The following PTPRM variants were observed in gnomAD, a reference collection of about 807,000 sequenced individuals.
PTPRM encodes the protein receptor-type tyrosine-protein phosphatase mu.
A neutral mutation model predicts 186.7 loss-of-function variants in PTPRM; 47 were observed. The observed-to-expected ratio is 0.25, with a 90% CI of 0.20 to 0.32. PTPRM has a LOEUF of 0.32. PTPRM is among the 10% of genes least tolerant of loss of function. The pLI is 1.00. For synonymous variants in PTPRM, 668 were observed against 674.9 expected (o/e 0.99, Z 0.16); for missense variants, 1,494 against 1,865.0 (o/e 0.80, Z 3.66).
At chr18:8,013,655 G>C (rs1461791414) in intron 7 of PTPRM, among the ~76,000 whole-genome samples, 1 of 152,044 alleles carries the variant, frequency 6.6e-6, no homozygotes, top group African/African-American at 2.4e-5. Flanking sequence ...GTTGTTCAAG[G>C]GTCAGCTGCA....
At chr18:7,764,011 C>T (rs2144791314) in intron 1 of PTPRM, among the ~76,000 whole-genome samples, 1 of 151,582 alleles carries the variant, frequency 6.6e-6, no homozygotes, top group South Asian at 2.1e-4. Context: ...TTGTTTTCTA[C>T]CTAAGATATC....
At chr18:8,207,021 G>A (rs2093940694) in intron 14 of PTPRM, among the ~76,000 whole-genome samples, 1 of 152,148 alleles carries the variant, frequency 6.6e-6, no homozygotes, top group Admixed American at 6.5e-5. Context: ...GTTTCAGAGG[G>A]GGCATGGCTC....
At chr18:8,283,333 A>G (rs1006884072) in intron 19 of PTPRM, among the ~76,000 whole-genome samples, 6 of 152,208 alleles carry the variant, frequency 3.9e-5, no homozygotes, top group Admixed American at 6.5e-5. Context: ...TTTAAAATCT[A>G]TTTATTAGTA....
At chr18:8,000,125 T>C (rs2083779648) in intron 7 of PTPRM, among the ~76,000 whole-genome samples, 1 of 152,212 alleles carries the variant, frequency 6.6e-6, no homozygotes, top group Admixed American at 6.5e-5. Flanking sequence ...GCAATCTGCT[T>C]TGCTCAGTAA....
At chr18:8,262,108 G>A (rs960396618) in intron 19 of PTPRM, among the ~76,000 whole-genome samples, 7 of 151,832 alleles carry the variant, frequency 4.6e-5, no homozygotes, top group African/African-American at 1.2e-4. Context: ...TGCCCCTGCC[G>A]CTCCCTCATT....
chr18:8,206,983 A>G (rs1028051759), intron 14 of PTPRM, among the ~76,000 whole-genome samples: 3 of 152,184 alleles, frequency 2.0e-5, no homozygotes, highest in Non-Finnish European at 4.4e-5. Context: ...AGAAGCTGAA[A>G]GAACAAGGAA....
chr18:7,738,869 T>C (rs1328228210), intron 1 of PTPRM, among the ~76,000 whole-genome samples: 2 of 152,156 alleles, frequency 1.3e-5, no homozygotes, highest in Non-Finnish European at 2.9e-5. Flanking sequence ...TCTCATCGAT[T>C]TGCTGAGCAT....
intron 5 of PTPRM, 152 bp downstream of exon 5, chr18:7,926,835 G>T: frequency 2.1e-6 from 1 of 470,340 alleles, no homozygotes; most frequent in East Asian, 3.5e-5. Context: ...ATCTATAAAA[G>T]CTAATTATTT....
At chr18:7,818,204 G>GT (rs1028962143) in intron 2 of PTPRM, among the ~76,000 whole-genome samples, 9 of 152,094 alleles carry the variant, frequency 5.9e-5, no homozygotes, top group South Asian at 2.1e-4. Flanking sequence ...TACTAATTTA[G>GT]TTTTTTTTCC....
chr18:8,162,918 A>C (rs189875844), intron 14 of PTPRM, among the ~76,000 whole-genome samples: 1 of 152,268 alleles, frequency 6.6e-6, no homozygotes, highest in African/African-American at 2.4e-5. Context: ...GCAGTTGTAA[A>C]AATGCTCTGC....
At chr18:8,397,232 CA>C (rs1361937785) in intron 32 of PTPRM, among the ~76,000 whole-genome samples, 1 of 152,254 alleles carries the variant, frequency 6.6e-6, no homozygotes, top group Non-Finnish European at 1.5e-5. Context: ...TGCATTCCCT[CA>C]TGGTCCCTTC....
rs143714625 is a variant in PTPRM, at chr18:7,993,533, CT to C, written c.1132+38120del. ...ATCAGATTAACAGCAGATTTCTCAG[CT>C]GAAACCATATAGGTCAGGAGAAAAT... On this transcript the variant is annotated intron_variant, in intron 7 of 32. Transcript: ENST00000580170. 1.0e-2 allele frequency among the ~76,000 whole-genome samples: 1,520 copies of C among 152,152 alleles called. 20 individuals carry two copies. The highest frequency in any genetic ancestry group is 0.015 in the Non-Finnish European group (1,041 of 67,960).
intron 7 of PTPRM, among the ~76,000 whole-genome samples, chr18:7,957,490 T>G (rs1471619967): frequency 1.3e-5 from 2 of 152,210 alleles, no homozygotes; most frequent in Non-Finnish European, 2.9e-5. Flanking sequence ...CCTTTCCTCT[T>G]AACTGTTTGC....
chr18:7,869,944 T>C (rs899749978), intron 2 of PTPRM, among the ~76,000 whole-genome samples: 2 of 152,150 alleles, frequency 1.3e-5, no homozygotes, highest in Non-Finnish European at 2.9e-5. Flanking sequence ...GGCTAGAGAT[T>C]GGGCCATATG....
intron 5 of PTPRM, among the ~76,000 whole-genome samples, chr18:7,944,131 G>A (rs2146987557): frequency 6.6e-6 from 1 of 152,256 alleles, no homozygotes; most frequent in Non-Finnish European, 1.5e-5. Context: ...TTCTACCCCT[G>A]GAAGATTTTT....
chr18:7,680,699 GAA>G (rs1461847832), intron 1 of PTPRM, among the ~76,000 whole-genome samples: 1 of 152,080 alleles, frequency 6.6e-6, no homozygotes, highest in Non-Finnish European at 1.5e-5. Context: ...ACTGGAAAAA[GAA>G]AAAGAAAAAG....
intron 13 of PTPRM, among the ~76,000 whole-genome samples, chr18:8,136,481 A>G (rs2092641586): frequency 6.6e-6 from 1 of 152,186 alleles, no homozygotes; most frequent in Admixed American, 6.5e-5. Flanking sequence ...TAAAAAAAAG[A>G]TTGATTTTTT....
chr18:8,259,452 T>TC (rs200911355), intron 19 of PTPRM, among the ~76,000 whole-genome samples: 3,315 of 152,308 alleles, frequency 0.022, 54 homozygotes, highest in South Asian at 0.058. Context: ...TCCTTGTAGC[T>TC]CCTTTTAGGT....
intron 9 of PTPRM, among the ~76,000 whole-genome samples, chr18:8,078,494 A>G (rs1225733729): frequency 6.6e-6 from 1 of 152,214 alleles, no homozygotes; most frequent in Non-Finnish European, 1.5e-5. Context: ...TCAGAGGGTG[A>G]GATAAATTGC....
Sources: gnomAD v4.1 joint callset for allele counts (sites outside exome capture counted in the v4.1 genomes callset) on GRCh38, gnomAD v4.1.1 for gene constraint, MANE v1.5 for transcripts, NCBI Gene and HGNC (gene_info 2026-07-23, HGNC 2026-07-21) for gene names.